Variants in GALNT13 observed in about 807,000 individuals in gnomAD.
GALNT13 encodes UDP-GalNAc:polypeptide N-acetylgalactosaminyltransferase 13.
A neutral mutation model predicts 64.2 loss-of-function variants in GALNT13; 28 were observed. The ratio of observed to expected loss-of-function variants is 0.44; its 90% CI spans 0.32 to 0.60. GALNT13 has a LOEUF of 0.60. Ranked by LOEUF, GALNT13 falls within the 20% of genes least tolerant of loss-of-function variation. The pLI is 0.05. For synonymous variants in GALNT13, 214 were observed against 224.6 expected (o/e 0.95, Z 0.42); for missense variants, 577 against 669.8 (o/e 0.86, Z 1.53).
intron 3 of GALNT13, among the ~76,000 whole-genome samples, chr2:154,129,490 G>A (rs914948463): frequency 6.6e-6 from 1 of 152,096 alleles, no homozygotes; most frequent in African/African-American, 2.4e-5. Context: ...ACAGCGAAAT[G>A]TCTTGAGACA....
the GALNT13 span, among the ~76,000 whole-genome samples, chr2:153,468,179 T>C: frequency 6.6e-6 from 1 of 151,986 alleles, no homozygotes; most frequent in Non-Finnish European, 1.5e-5. Context: ...GAATCATAAA[T>C]TGAAAATATT....
intron 7 of GALNT13, among the ~76,000 whole-genome samples, chr2:154,253,434 T>A (rs1462721206): frequency 2.6e-5 from 4 of 152,226 alleles, no homozygotes; most frequent in Non-Finnish European, 5.9e-5. Context: ...TTTTTCCATG[T>A]CAAATGCATA....
chr2:154,147,010 T>G (rs1474070190), intron 4 of GALNT13, among the ~76,000 whole-genome samples: 5 of 152,064 alleles, frequency 3.3e-5, no homozygotes, highest in African/African-American at 4.8e-5. Flanking sequence ...GGTTAATCTG[T>G]TTTTTGTTAG....
At chr2:153,673,675 C>T in the GALNT13 span, among the ~76,000 whole-genome samples, 2 of 152,194 alleles carry the variant, frequency 1.3e-5, no homozygotes, top group Non-Finnish European at 2.9e-5. Flanking sequence ...CTCACCACTC[C>T]TATTCAACAT....
At chr2:153,948,947 C>T (rs1249720472) in intron 3 of GALNT13, among the ~76,000 whole-genome samples, 2 of 152,076 alleles carry the variant, frequency 1.3e-5, no homozygotes, top group East Asian at 1.9e-4. Context: ...CCAAGTGACA[C>T]ATGTTTACTG....
chr2:154,183,598 G>A (rs1273717088), intron 4 of GALNT13, among the ~76,000 whole-genome samples: 2 of 152,050 alleles, frequency 1.3e-5, no homozygotes, highest in Non-Finnish European at 2.9e-5. Context: ...TCTAGTCCCA[G>A]ATACTTGGGG....
the GALNT13 span, among the ~76,000 whole-genome samples, chr2:153,465,108 T>G: frequency 6.6e-6 from 1 of 152,122 alleles, no homozygotes; most frequent in South Asian, 2.1e-4. Context: ...TTCAGAAAGG[T>G]GATCTTCATG....
At chr2:153,721,723 A>C in the GALNT13 span, among the ~76,000 whole-genome samples, 1 of 152,058 alleles carries the variant, frequency 6.6e-6, no homozygotes, top group East Asian at 1.9e-4. Context: ...CCATTACATA[A>C]TGGTAAAGGG....
chr2:153,525,981 G>T, the GALNT13 span, among the ~76,000 whole-genome samples: 4 of 152,246 alleles, frequency 2.6e-5, no homozygotes, highest in African/African-American at 4.8e-5. Flanking sequence ...AGAAAAGGGA[G>T]GAAAGAATGG....
At chr2:154,405,709 A>T (rs1699503729) in intron 10 of GALNT13, among the ~76,000 whole-genome samples, 1 of 151,986 alleles carries the variant, frequency 6.6e-6, no homozygotes, top group Non-Finnish European at 1.5e-5. Context: ...GTGAGACTGT[A>T]TCTCGAAAAA....
intron 3 of GALNT13, among the ~76,000 whole-genome samples, chr2:154,119,314 A>G (rs577794888): frequency 3.0e-4 from 46 of 152,250 alleles, no homozygotes; most frequent in African/African-American, 1.1e-3. Context: ...TTCTATTGCC[A>G]TTCATTTGTG....
At chr2:153,824,899 T>C in the GALNT13 span, among the ~76,000 whole-genome samples, 4 of 152,162 alleles carry the variant, frequency 2.6e-5, no homozygotes, top group African/African-American at 7.2e-5. Flanking sequence ...TCTGCCATGA[T>C]TGAAAGTTTC....
intron 2 of GALNT13, among the ~76,000 whole-genome samples, chr2:153,910,331 C>G (rs757247625): frequency 2.0e-5 from 3 of 151,908 alleles, no homozygotes; most frequent in Non-Finnish European, 4.4e-5. Flanking sequence ...ATCTTTTTCT[C>G]TTTATTAGCC....
At chr2:153,147,351 C>A in the GALNT13 span, among the ~76,000 whole-genome samples, 1 of 151,694 alleles carries the variant, frequency 6.6e-6, no homozygotes, top group Non-Finnish European at 1.5e-5. Flanking sequence ...GTTCAAGATT[C>A]AAATTCAAAG....
chr2:154,376,239 T>A (rs1697985868), intron 9 of GALNT13, among the ~76,000 whole-genome samples: 2 of 152,202 alleles, frequency 1.3e-5, no homozygotes. Flanking sequence ...ATTGTATTAC[T>A]TTTAATGAGC....
intron 3 of GALNT13, among the ~76,000 whole-genome samples, chr2:153,980,661 C>T (rs1694401765): frequency 6.6e-6 from 1 of 152,166 alleles, no homozygotes; most frequent in South Asian, 2.1e-4. Context: ...ATTTCTGAAT[C>T]TTAGAGAACT....
intron 8 of GALNT13, among the ~76,000 whole-genome samples, chr2:154,266,055 G>T (rs1258616098): frequency 6.6e-6 from 1 of 151,994 alleles, no homozygotes; most frequent in Non-Finnish European, 1.5e-5. Flanking sequence ...AACAAACTCA[G>T]TCTACTCCTG....
At chr2:153,841,293 T>C in the GALNT13 span, among the ~76,000 whole-genome samples, 51 of 152,170 alleles carry the variant, frequency 3.4e-4, no homozygotes, top group African/African-American at 1.2e-3. Context: ...AATACATAGC[T>C]ATTCAACTGA....
the GALNT13 span, among the ~76,000 whole-genome samples, chr2:153,408,157 A>G: frequency 2.6e-5 from 4 of 152,136 alleles, no homozygotes; most frequent in Non-Finnish European, 5.9e-5. Flanking sequence ...GAAGGTGACA[A>G]TGTTACAGAA....
Sources: allele counts gnomAD v4.1 joint callset (sites outside exome capture counted in the v4.1 genomes callset), GRCh38; gene constraint gnomAD v4.1.1; transcripts MANE v1.5; gene names NCBI Gene and HGNC (gene_info 2026-07-23, HGNC 2026-07-21).